POC1B: variants seen among roughly 807,000 people sequenced by gnomAD.
POC1B encodes the protein POC1 centriolar protein B, also known as POC1 centriolar protein homolog B.
In POC1B, 44 loss-of-function variants were observed where a neutral mutation model predicts 60.6. The ratio of observed to expected loss-of-function variants is 0.73; its 90% CI spans 0.57 to 0.93. POC1B has a LOEUF of 0.93. POC1B is among the 40% of genes least tolerant of loss of function. POC1B has a pLI of 0.00. For missense variants in POC1B, 555 were observed against 572.3 expected (o/e 0.97, Z 0.31); for synonymous variants, 180 against 198.9 (o/e 0.90, Z 0.80).
intron 2 of POC1B, among the ~76,000 whole-genome samples, chr12:89,516,461 T>C (rs1025543790): frequency 6.6e-6 from 1 of 152,176 alleles, no homozygotes; most frequent in African/African-American, 2.4e-5. Flanking sequence ...ACCAACATCA[T>C]CTGCTGGTAT....
the POC1B span, among the ~76,000 whole-genome samples, chr12:89,402,299 TTTAA>T: frequency 6.6e-6 from 1 of 151,920 alleles, no homozygotes; most frequent in Non-Finnish European, 1.5e-5. Flanking sequence ...GCCTAATTCA[TTTAA>T]TTAATTCCTA....
At chr12:89,426,871 T>C (rs1880788355) in intron 10 of POC1B, 2 of 150,962 alleles carry the variant, frequency 1.3e-5, no homozygotes, top group African/African-American at 2.4e-5. Flanking sequence ...GAAACTATTA[T>C]ACAAACCATC....
chr12:89,519,799 C>T (rs990481795), intron 2 of POC1B: 8 of 74,196 alleles, frequency 1.1e-4, no homozygotes, highest in Non-Finnish European at 2.4e-4. Flanking sequence ...CTCCTGGTGA[C>T]TAGATTTTTT....
the POC1B span, among the ~76,000 whole-genome samples, chr12:89,410,179 A>G: frequency 6.6e-6 from 1 of 152,212 alleles, no homozygotes; most frequent in East Asian, 1.9e-4. Context: ...GTAATCCATC[A>G]CATAAACAGA....
intron 5 of POC1B, 46 bp from the exon 6 acceptor site, chr12:89,471,775 T>TC (rs1202318477): frequency 7.9e-7 from 1 of 1,273,290 alleles, no homozygotes. Flanking sequence ...TTTCTTTTTT[T>TC]TTTTTTTTTG....
chr12:89,517,424 G>A (rs1226233984), intron 2 of POC1B, among the ~76,000 whole-genome samples: 1 of 152,094 alleles, frequency 6.6e-6, no homozygotes, highest in African/African-American at 2.4e-5. Context: ...CTTGAGGTCA[G>A]GAGTTCCAGA....
chr12:89,510,155 G>A (rs530190839), intron 2 of POC1B, among the ~76,000 whole-genome samples: 7 of 152,140 alleles, frequency 4.6e-5, no homozygotes, highest in East Asian at 1.9e-4. Context: ...AGCCTGTTTC[G>A]TTTTTTTAAC....
At chr12:89,438,032 C>G (rs1276084869) in intron 10 of POC1B, among the ~76,000 whole-genome samples, 1 of 139,932 alleles carries the variant, frequency 7.1e-6, no homozygotes, top group Non-Finnish European at 1.5e-5. Context: ...GCCTGGGCGA[C>G]AGAGTGAGAA....
intron 1 of POC1B, chr12:89,525,676 T>C: frequency 8.0e-7 from 1 of 1,244,264 alleles, no homozygotes; most frequent in African/African-American, 1.6e-5. Flanking sequence ...GGGAAGAGCG[T>C]CCGGGAGCCG....
At chr12:89,437,019 T>C (rs1881299685) in intron 10 of POC1B, among the ~76,000 whole-genome samples, 1 of 152,088 alleles carries the variant, frequency 6.6e-6, no homozygotes, top group Admixed American at 6.5e-5. Flanking sequence ...TTCTTGACTC[T>C]TCCCTCTTCT....
At chr12:89,500,413 C>G in intron 2 of POC1B, 1 of 1,521,058 alleles carries the variant, frequency 6.6e-7, no homozygotes, top group Admixed American at 1.7e-5. Flanking sequence ...GTGAAGCCAC[C>G]AACAGATCAG....
At chr12:89,467,040 T>G in intron 8 of POC1B, 118 bp from the exon 9 acceptor site, 2 of 691,752 alleles carry the variant, frequency 2.9e-6, no homozygotes. Flanking sequence ...TAGATATATA[T>G]TTCAACTATG....
chr12:89,478,118 CATTCATTTA>C (rs1883188234), intron 4 of POC1B, among the ~76,000 whole-genome samples: 1 of 103,038 alleles, frequency 9.7e-6, no homozygotes, highest in Non-Finnish European at 2.0e-5. Flanking sequence ...TTCATTCATT[CATTCATTTA>C]TTGATAGACT....
At chr12:89,445,687 A>G (rs1340386143) in intron 10 of POC1B, among the ~76,000 whole-genome samples, 1 of 152,238 alleles carries the variant, frequency 6.6e-6, no homozygotes, top group African/African-American at 2.4e-5. Flanking sequence ...CATTCAGGAC[A>G]TAGGCATGGG....
chr12:89,435,267 G>A (rs1374025121), intron 10 of POC1B, among the ~76,000 whole-genome samples: 1 of 146,710 alleles, frequency 6.8e-6, no homozygotes, highest in Non-Finnish European at 1.5e-5. Context: ...TGCAACCTCC[G>A]CCTCCTGGGT....
At chr12:89,453,904 T>A (rs188091264) in intron 10 of POC1B, among the ~76,000 whole-genome samples, 92 of 152,354 alleles carry the variant, frequency 6.0e-4, no homozygotes, top group Middle Eastern at 6.8e-3. Flanking sequence ...TTTCAGATAG[T>A]ATACACCATA....
intron 10 of POC1B, 86 bp downstream of exon 10, chr12:89,459,552 C>T (rs1882394596): frequency 2.7e-6 from 2 of 744,208 alleles, no homozygotes; most frequent in South Asian, 3.9e-5. Flanking sequence ...TATCTCCTCC[C>T]CCAACATTTT....
At chr12:89,451,031 AGATTG>A in intron 10 of POC1B, among the ~76,000 whole-genome samples, 1 of 152,320 alleles carries the variant, frequency 6.6e-6, no homozygotes, top group African/African-American at 2.4e-5. Flanking sequence ...CAAAGGCAAG[AGATTG>A]GATTATTAGA....
intron 3 of POC1B, among the ~76,000 whole-genome samples, chr12:89,492,626 T>C (rs1006514356): frequency 2.0e-5 from 3 of 152,196 alleles, no homozygotes; most frequent in African/African-American, 4.8e-5. Context: ...CCACAATATA[T>C]GTGTCTCAGA....
Sources: allele counts gnomAD v4.1 joint callset (sites outside exome capture counted in the v4.1 genomes callset), GRCh38; gene constraint gnomAD v4.1.1; transcripts MANE v1.5; gene names NCBI Gene and HGNC (gene_info 2026-07-23, HGNC 2026-07-21).